The following FIG4 variants were observed in gnomAD, a reference collection of about 807,000 sequenced individuals.
The protein encoded by FIG4 is polyphosphoinositide phosphatase.
FIG4 carries 112 observed loss-of-function variants against 118.6 expected under a neutral mutation model. The ratio of observed to expected loss-of-function variants is 0.94; its 90% CI spans 0.81 to 1.11. The LOEUF is 1.11. Among genes scored for constraint, FIG4 ranks in the 50% least tolerant of loss-of-function variants. The probability of loss-of-function intolerance (pLI) is 0.00; values close to 1 mark genes in which losing one functional copy is unlikely to be tolerated. For missense variants in FIG4, 969 were observed against 1,111.7 expected (o/e 0.87, Z 1.83); for synonymous variants, 369 against 381.2 (o/e 0.97, Z 0.37).
chr6:109,716,852 A>C (rs539913419), intron 3 of FIG4, among the ~76,000 whole-genome samples: 4 of 152,316 alleles, frequency 2.6e-5, no homozygotes, highest in Non-Finnish European at 5.9e-5. Context: ...TGAATGAAAA[A>C]GTAAAAATTA....
At chr6:109,786,160 G>A in intron 17 of FIG4, 142 bp from the exon 18 acceptor site, 1 of 666,252 alleles carries the variant, frequency 1.5e-6, no homozygotes, top group Non-Finnish European at 2.6e-6. Context: ...TGTAAGTGTT[G>A]GAGGCAGGAG....
intron 18 of FIG4, among the ~76,000 whole-genome samples, chr6:109,788,932 A>G (rs1372256957): frequency 1.3e-5 from 2 of 152,192 alleles, no homozygotes; most frequent in Non-Finnish European, 2.9e-5. Context: ...GCCTTTGCAT[A>G]ATGTGGAAGC....
intron 1 of FIG4, among the ~76,000 whole-genome samples, chr6:109,699,840 C>T (rs1348082200): frequency 4.6e-5 from 7 of 152,092 alleles, no homozygotes; most frequent in Non-Finnish European, 5.9e-5. Context: ...TGTCTTATTC[C>T]GTTCAGGCTG....
chr6:109,714,710 G>T (rs568048364), intron 1 of FIG4, among the ~76,000 whole-genome samples: 1 of 152,094 alleles, frequency 6.6e-6, no homozygotes, highest in South Asian at 2.1e-4. Flanking sequence ...TTGCCTAAGC[G>T]TTCCTAATTA....
Position 109,765,092 on chromosome 6 carries a change from T to C in FIG4, c.1514T>C (p.Leu505Pro). ...CAGTTTATGGTGGGAAAATGTGCTC[T>C]GGCCTATCAGCTGTATTCACTGGGA... is the stretch of plus-strand genomic sequence containing the variant. Reference protein sequence around the residue: ...TAQFMVGKCALAYQLYSLGLI... With the variant: ...TAQFMVGKCAPAYQLYSLGLI... The change falls in exon 14 of 23, where the codon CTG becomes CCG. Residue 505 changes from leucine to proline, a missense_variant. Leu to Pro is a moderately conservative substitution (Grantham distance 98). Around this residue, in one of 3 missense-constraint regions of FIG4, gnomAD observed 246 missense variants for 354.3 expected, o/e 0.69. Transcript: ENST00000230124. 6.2e-7 allele frequency: 1 copy of C among 1,613,982 alleles called. No homozygotes were observed. Among genetic ancestry groups the C allele is most frequent in the Non-Finnish European group, 8.5e-7 (1 of 1,179,862 alleles).
chr6:109,806,341 A>T (rs2128399841), intron 22 of FIG4, among the ~76,000 whole-genome samples: 1 of 152,316 alleles, frequency 6.6e-6, no homozygotes, highest in East Asian at 1.9e-4. Context: ...GTGTAATCTG[A>T]ATTATTCACA....
intron 10 of FIG4, among the ~76,000 whole-genome samples, chr6:109,756,303 T>A (rs1776897606): frequency 6.6e-6 from 1 of 152,234 alleles, no homozygotes; most frequent in African/African-American, 2.4e-5. Context: ...TGCCAAGAGA[T>A]CCACTGTTAG....
At chr6:109,707,317 A>G (rs375691588) in intron 1 of FIG4, among the ~76,000 whole-genome samples, 1 of 146,378 alleles carries the variant, frequency 6.8e-6, no homozygotes, top group African/African-American at 2.5e-5. Flanking sequence ...GTATGTGTAT[A>G]TATATATGTA....
intron 15 of FIG4, among the ~76,000 whole-genome samples, chr6:109,774,791 A>T (rs764263667): frequency 7.2e-5 from 11 of 152,010 alleles, no homozygotes; most frequent in Non-Finnish European, 1.3e-4. Flanking sequence ...TCCTACATTT[A>T]GTTGGTATTT....
chr6:109,813,326 G>A (rs1778772237), intron 22 of FIG4, among the ~76,000 whole-genome samples: 1 of 152,054 alleles, frequency 6.6e-6, no homozygotes, highest in Non-Finnish European at 1.5e-5. Flanking sequence ...ATACAATCAG[G>A]AAAATCGGGA....
intron 10 of FIG4, among the ~76,000 whole-genome samples, chr6:109,745,006 G>A (rs1435848675): frequency 2.0e-5 from 3 of 152,126 alleles, no homozygotes; most frequent in Non-Finnish European, 4.4e-5. Context: ...ATTCCATGGT[G>A]TATATGTGTC....
intron 15 of FIG4, among the ~76,000 whole-genome samples, chr6:109,769,313 A>T (rs1777386547): frequency 6.6e-6 from 1 of 152,124 alleles, no homozygotes; most frequent in African/African-American, 2.4e-5. Context: ...GGAGTAATAT[A>T]AAAGATAAAG....
intron 22 of FIG4, among the ~76,000 whole-genome samples, chr6:109,803,742 A>T (rs1334507352): frequency 2.0e-5 from 3 of 151,102 alleles, no homozygotes; most frequent in Non-Finnish European, 4.4e-5. Context: ...TACATTAGGT[A>T]TATCTCCTAA....
intron 22 of FIG4, among the ~76,000 whole-genome samples, chr6:109,810,589 C>A (rs563893420): frequency 5.3e-5 from 8 of 152,290 alleles, no homozygotes; most frequent in Middle Eastern, 3.4e-3. Flanking sequence ...TGTTTAGCCA[C>A]GACAGACATT....
intron 15 of FIG4, among the ~76,000 whole-genome samples, chr6:109,771,890 G>A (rs1777476828): frequency 6.6e-6 from 1 of 151,978 alleles, no homozygotes. Flanking sequence ...ATGCATCATT[G>A]CCATTAACAT....
chr6:109,716,189 T>C (rs1479711397), intron 2 of FIG4, among the ~76,000 whole-genome samples: 3 of 152,210 alleles, frequency 2.0e-5, no homozygotes, highest in Non-Finnish European at 4.4e-5. Context: ...ATCCCTTAAA[T>C]CTCTGCATCT....
chr6:109,806,043 A>G (rs1178215912), intron 22 of FIG4, among the ~76,000 whole-genome samples: 1 of 152,186 alleles, frequency 6.6e-6, no homozygotes, highest in Non-Finnish European at 1.5e-5. Flanking sequence ...ACATAAAATT[A>G]TATTGAAGCT....
At chr6:109,742,975 A>G (rs1443480418) in intron 8 of FIG4, 135 bp from the exon 9 acceptor site, 11 of 786,020 alleles carry the variant, frequency 1.4e-5, no homozygotes, top group Middle Eastern at 5.2e-4. Context: ...ATTGATCAAT[A>G]TTTACCTCTC....
chr6:109,744,500 A>G (rs977235967), intron 10 of FIG4, among the ~76,000 whole-genome samples: 12 of 152,010 alleles, frequency 7.9e-5, no homozygotes, highest in Non-Finnish European at 1.5e-4. Context: ...TTGTTATGTT[A>G]TGTGCTCTTG....
Sources: allele counts gnomAD v4.1 joint callset (sites outside exome capture counted in the v4.1 genomes callset), GRCh38; gene constraint gnomAD v4.1.1; regional missense constraint gnomAD v4.1.1; transcripts MANE v1.5; gene names NCBI Gene and HGNC (gene_info 2026-07-23, HGNC 2026-07-21).